The following PTGES3 variants were observed in gnomAD, a reference collection of about 807,000 sequenced individuals.
PTGES3 encodes prostaglandin E synthase 3.
PTGES3 carries 5 observed loss-of-function variants against 29.9 expected under a neutral mutation model. That is an observed-to-expected ratio of 0.17 (90% CI 0.09 to 0.35). The LOEUF (loss-of-function observed/expected upper bound fraction) is 0.35, where lower values mean the gene tolerates loss of function less well. PTGES3 is among the 10% of genes least tolerant of loss of function. The pLI is 1.00. For missense variants in PTGES3, 128 were observed against 190.0 expected, an observed-to-expected ratio of 0.67 and a Z score of 1.92; for synonymous variants, 49 against 57.8, an observed-to-expected ratio of 0.85 and a Z score of 0.69.
At chr12:56,680,946 A>AT (rs888952204) in intron 1 of PTGES3, among the ~76,000 whole-genome samples, 10 of 150,476 alleles carry the variant, frequency 6.6e-5, no homozygotes, top group African/African-American at 2.0e-4. Context: ...CACCCAGGTT[A>AT]TTTTTTGTAG....
At chr12:56,669,839 T>A (rs531733011) in intron 5 of PTGES3, among the ~76,000 whole-genome samples, 1 of 151,662 alleles carries the variant, frequency 6.6e-6, no homozygotes, top group Non-Finnish European at 1.5e-5. Flanking sequence ...CTAGATCTCC[T>A]GACCTCGTGA....
intron 1 of PTGES3, among the ~76,000 whole-genome samples, chr12:56,681,537 C>CAAAAAAA (rs34581651): frequency 7.4e-4 from 19 of 25,680 alleles, no homozygotes; most frequent in East Asian, 2.8e-3. Flanking sequence ...GACTCCATCT[C>CAAAAAAA]AAAAAAAAAA....
intron 1 of PTGES3, among the ~76,000 whole-genome samples, chr12:56,683,251 G>C (rs974293331): frequency 6.6e-6 from 1 of 151,482 alleles, no homozygotes; most frequent in Non-Finnish European, 1.5e-5. Flanking sequence ...TTCTGAGGCC[G>C]AGGCGGGTGA....
At position 56,687,550 on chromosome 12, in the gene PTGES3, C is replaced by A. The variant is rs530520563; in HGVS notation, c.2+448G>T. 4.9e-6 allele frequency: 5 copies of A among 1,011,258 alleles called. No individual in the cohort carries two copies. In the South Asian group the frequency reaches 2.1e-4, roughly 42 times the overall value. 62.6% of individuals were successfully genotyped at this position (1,011,258 alleles called of 1,614,324 possible). On this transcript the variant is annotated intron_variant, in intron 1 of 7. Transcript: ENST00000262033. The stretch of plus-strand genomic sequence containing the variant: ...GCTCTCCCAGGAGCTCCGCCAGGCA[C>A]CTGGCGGCACCCACCACAGGTGCAC...
intron 1 of PTGES3, among the ~76,000 whole-genome samples, chr12:56,674,935 T>A (rs1245444527): frequency 8.9e-6 from 1 of 111,788 alleles, no homozygotes; most frequent in African/African-American, 3.6e-5. Context: ...ACCTGGGAAG[T>A]GGAGGTTACG....
At chr12:56,672,888 C>T in intron 2 of PTGES3, 64 bp downstream of exon 2, 1 of 1,547,282 alleles carries the variant, frequency 6.5e-7, no homozygotes, top group Non-Finnish European at 8.7e-7. Flanking sequence ...AAAGACAAGC[C>T]AGTCAAAGTT....
chr12:56,666,377 C>G, intron 5 of PTGES3, 111 bp from the exon 6 acceptor site: 9 of 1,282,382 alleles, frequency 7.0e-6, no homozygotes, highest in Non-Finnish European at 9.3e-6. Context: ...TCAAAAAATG[C>G]AAAATGCAAA....
chr12:56,677,169 G>T (rs1298352027), intron 1 of PTGES3, among the ~76,000 whole-genome samples: 1 of 151,426 alleles, frequency 6.6e-6, no homozygotes, highest in Non-Finnish European at 1.5e-5. Flanking sequence ...GAACATGAAA[G>T]GCAGAGGTTG....
intron 1 of PTGES3, among the ~76,000 whole-genome samples, chr12:56,675,119 G>C (rs979066782): frequency 1.0e-4 from 15 of 150,384 alleles, no homozygotes; most frequent in African/African-American, 3.4e-4. Context: ...GGCCAATATA[G>C]TAAAACCCCG....
intron 1 of PTGES3, among the ~76,000 whole-genome samples, chr12:56,682,040 TTTCACCATG>T (rs1952566299): frequency 6.6e-6 from 1 of 151,892 alleles, no homozygotes; most frequent in South Asian, 2.1e-4. Context: ...AGAGACAGGG[TTTCACCATG>T]TTGGCCAGGC....
chr12:56,673,976 A>G (rs1042737253), intron 1 of PTGES3, among the ~76,000 whole-genome samples: 1 of 151,938 alleles, frequency 6.6e-6, no homozygotes, highest in African/African-American at 2.4e-5. Flanking sequence ...AACAAACAAC[A>G]ACAACAAAAA....
rs1952976736 is a variant in PTGES3 at position 56,688,143 on chromosome 12, G to A, written c.-144C>T. ...TTCTCGCTTCCCTCAGGCGACGGCGGCAGCGGCGGGCTCGACCTCGGGCCC... is the reference window on the plus strand; with the variant it reads ...TTCTCGCTTCCCTCAGGCGACGGCGACAGCGGCGGGCTCGACCTCGGGCCC... On this transcript the variant is annotated 5_prime_UTR_variant, in exon 1 of 8. Transcript: ENST00000262033. 1 of 1,376,590 alleles carries A rather than the reference G, an allele frequency of 7.3e-7. No individual in the cohort carries two copies. Among genetic ancestry groups the A allele is most frequent in the South Asian group, 1.6e-5 (1 of 63,754 alleles). 85.3% of individuals were successfully genotyped at this position (1,376,590 alleles called of 1,614,324 possible).
At chr12:56,669,406 T>C (rs1392944259) in intron 5 of PTGES3, among the ~76,000 whole-genome samples, 1 of 151,980 alleles carries the variant, frequency 6.6e-6, no homozygotes, top group Non-Finnish European at 1.5e-5. Context: ...GCCTCAGCCT[T>C]CTGAGTAGCT....
intron 4 of PTGES3, 97 bp from the exon 5 acceptor site, chr12:56,670,461 C>G (rs1341120862): frequency 1.2e-5 from 10 of 855,628 alleles, no homozygotes; most frequent in Non-Finnish European, 1.7e-5. Context: ...GAGACCAGGT[C>G]TTGCTATGTT....
At chr12:56,665,082 A>G in intron 6 of PTGES3, 20 of 985,366 alleles carry the variant, frequency 2.0e-5, no homozygotes, top group Non-Finnish European at 2.4e-5. Context: ...TCGGCATTCA[A>G]AGAGAAAACA....
In PTGES3 at chr12:56,669,079, G is replaced by A. The variant is rs1260958827; in HGVS notation, c.375+1196C>T. On this transcript the variant is annotated intron_variant, in intron 5 of 7. Coordinates refer to ENST00000262033, the MANE Select transcript of PTGES3 (RefSeq NM_006601.7). ...GGCTGGAGTGCAGTGGTGTGATCTC[G>A]GCTCACTGCAACCTCTACCTCCTGG... Among the ~76,000 whole-genome samples the A allele has an allele frequency of 2.8e-5, 4 of 143,344 alleles. No individual in the cohort carries two copies. In the South Asian group the frequency reaches 6.6e-4, roughly 24 times the overall value. 94.0% of individuals were successfully genotyped at this position (143,344 alleles called of 152,430 possible). A position where few individuals can be genotyped will look rare whatever the true frequency, so the allele number is the denominator to read the frequency against.
chr12:56,665,029 C>T, intron 6 of PTGES3: 1 of 985,402 alleles, frequency 1.0e-6, no homozygotes, highest in Non-Finnish European at 1.2e-6. Context: ...CTTTTGGTGA[C>T]AATTTAGCCC....
chr12:56,683,738 T>C (rs1482736046), intron 1 of PTGES3, among the ~76,000 whole-genome samples: 1 of 151,200 alleles, frequency 6.6e-6, no homozygotes, highest in Non-Finnish European at 1.5e-5. Flanking sequence ...GGCAGGCGGA[T>C]CACGAGATCA....
chr12:56,681,620 G>A (rs7307573), intron 1 of PTGES3, among the ~76,000 whole-genome samples: 11,029 of 149,912 alleles, frequency 0.074, 1,019 homozygotes, highest in African/African-American at 0.22. Context: ...AGGCCAAGGC[G>A]GCAGATCTCC....
Sources: allele counts gnomAD v4.1 joint callset (sites outside exome capture counted in the v4.1 genomes callset), GRCh38; gene constraint gnomAD v4.1.1; transcripts MANE v1.5; gene names NCBI Gene and HGNC (gene_info 2026-07-23, HGNC 2026-07-21).